DGCR2: variants seen among roughly 807,000 people sequenced by gnomAD.
DGCR2 encodes the protein DiGeorge syndrome critical region gene 2.
Under a neutral mutation model 51.6 loss-of-function variants are expected in DGCR2, and 24 were observed. The ratio of observed to expected loss-of-function variants is 0.47; its 90% CI spans 0.34 to 0.65. The LOEUF is 0.65. DGCR2 is among the 30% of genes least tolerant of loss of function. DGCR2 has a pLI of 0.01. For missense variants in DGCR2, 765 were observed against 772.1 expected, an observed-to-expected ratio of 0.99 and a Z score of 0.11; for synonymous variants, 340 against 315.4, an observed-to-expected ratio of 1.08 and a Z score of -0.82.
intron 5 of DGCR2, among the ~76,000 whole-genome samples, chr22:19,062,784 C>CTCTG (rs2082690598): frequency 1.4e-5 from 2 of 140,558 alleles, no homozygotes; most frequent in Admixed American, 7.6e-5. Context: ...TGCTCACTCT[C>CTCTG]TCTCTCTCTC....
chr22:19,071,004 G>A (rs2082808485), intron 2 of DGCR2, among the ~76,000 whole-genome samples: 1 of 152,260 alleles, frequency 6.6e-6, no homozygotes, highest in Non-Finnish European at 1.5e-5. Flanking sequence ...TCTCAGGCCT[G>A]CCTCTGACAG....
At chr22:19,048,401 TAGGGAGGCTG>T in intron 7 of DGCR2, 29 bp downstream of exon 7, 1 of 1,609,264 alleles carries the variant, frequency 6.2e-7, no homozygotes, top group Non-Finnish European at 8.5e-7. Flanking sequence ...CAGCCCCAAA[TAGGGAGGCTG>T]ACTTGGGACG....
At chr22:19,062,320 C>G (rs1247879882) in intron 5 of DGCR2, among the ~76,000 whole-genome samples, 1 of 152,146 alleles carries the variant, frequency 6.6e-6, no homozygotes, top group Non-Finnish European at 1.5e-5. Flanking sequence ...CACCTCTGCT[C>G]CTGCCCTGTC....
intron 2 of DGCR2, among the ~76,000 whole-genome samples, 161 bp from the exon 3 acceptor site, chr22:19,068,386 C>A (rs1288911088): frequency 2.3e-4 from 35 of 152,202 alleles, no homozygotes; most frequent in Admixed American, 2.3e-3. Context: ...GAAACACTGC[C>A]GCTCGCATCA....
At chr22:19,085,671 CA>C (rs2083006984) in intron 2 of DGCR2, among the ~76,000 whole-genome samples, 1 of 152,238 alleles carries the variant, frequency 6.6e-6, no homozygotes, top group Non-Finnish European at 1.5e-5. Context: ...TCCCTCTTTT[CA>C]AAAACATGCA....
rs1166457582 is a variant in DGCR2 at position 19,041,807 on chromosome 22, A to T, written c.1159T>A (p.Leu387Met). ...ERIESLIGANLHHFNLGRRIP... is the reference protein window; with the variant it reads ...ERIESLIGANMHHFNLGRRIP... ...GTTGTGGCCCTCAGAGGGCACTTAC[A>T]GTTTGCTCCAATCAGGGACTCGATG... Residue 387 changes from leucine to methionine, a missense_variant and splice_region_variant, in exon 8 of 10, where the codon TTG (leucine) becomes ATG (methionine). Physicochemically the swap from Leu to Met is conservative, Grantham distance 15. Around this residue, in one of 3 missense-constraint regions of DGCR2, gnomAD observed 190 missense variants for 265.2 expected, o/e 0.72. Transcript: ENST00000263196. The T allele has an allele frequency of 5.0e-6, 8 of 1,611,524 alleles. No individual in the cohort carries two copies. In the African/African-American group the frequency reaches 5.3e-5, roughly 11 times the overall value.
chr22:19,062,122 G>T (rs993282735), intron 5 of DGCR2, among the ~76,000 whole-genome samples: 2 of 152,198 alleles, frequency 1.3e-5, no homozygotes, highest in Admixed American at 6.5e-5. Context: ...TTTGACTCTG[G>T]GGCCTGGAAA....
At chr22:19,079,456 C>T (rs1029961929) in intron 2 of DGCR2, among the ~76,000 whole-genome samples, 13 of 152,270 alleles carry the variant, frequency 8.5e-5, no homozygotes, top group Admixed American at 4.6e-4. Context: ...AAAGTTATTC[C>T]ATCTAGTCCC....
At chr22:19,064,765 G>C in intron 4 of DGCR2, 83 bp downstream of exon 4, 8 of 1,351,462 alleles carry the variant, frequency 5.9e-6, no homozygotes, top group Non-Finnish European at 7.3e-6. Flanking sequence ...TGCTCCAGGA[G>C]TTTACTGAGT....
chr22:19,039,823 C>G (rs1033385391), intron 9 of DGCR2, among the ~76,000 whole-genome samples: 2 of 152,152 alleles, frequency 1.3e-5, no homozygotes, highest in African/African-American at 2.4e-5. Flanking sequence ...AGGTGATCCT[C>G]CATTCTCAGC....
At chr22:19,056,494 C>T (rs1024920419) in intron 6 of DGCR2, 6 of 525,908 alleles carry the variant, frequency 1.1e-5, no homozygotes, top group Non-Finnish European at 2.1e-5. Flanking sequence ...AGGGGACCTG[C>T]CCCACCAAGA....
chr22:19,111,234 A>G (rs558249589), intron 1 of DGCR2, among the ~76,000 whole-genome samples: 16 of 152,294 alleles, frequency 1.1e-4, no homozygotes, highest in Admixed American at 2.6e-4. Flanking sequence ...GCCTGAATTG[A>G]TCACCCAAGC....
chr22:19,097,991 T>C lies in DGCR2; in HGVS notation c.80-8501A>G, dbSNP rs1208611413. Reference sequence around the variant, plus strand: ...TTCCTCCCTGGGCTCAGGGAAAAGTTCCTCCTACAGCTACTCCTTACAACC... The same window carrying C: ...TTCCTCCCTGGGCTCAGGGAAAAGTCCCTCCTACAGCTACTCCTTACAACC... On this transcript the variant is annotated intron_variant, in intron 1 of 9. Transcript: ENST00000263196. 2.6e-5 allele frequency among the ~76,000 whole-genome samples: 4 copies of C among 152,052 alleles called. No homozygotes were observed. In the East Asian group the frequency reaches 7.7e-4, roughly 29 times the overall value.
At chr22:19,108,388 C>A (rs544834873) in intron 1 of DGCR2, among the ~76,000 whole-genome samples, 29 of 150,742 alleles carry the variant, frequency 1.9e-4, no homozygotes, top group African/African-American at 6.8e-4. Context: ...TTGGGCAACA[C>A]AGGGATCCAG....
At chr22:19,065,903 G>C (rs1488044941) in intron 3 of DGCR2, 1 of 152,204 alleles carries the variant, frequency 6.6e-6, no homozygotes, top group Non-Finnish European at 1.5e-5. Context: ...GCTATGTCTT[G>C]TGGCACTAGT....
chr22:19,110,038 C>A lies in DGCR2; in HGVS notation c.79+12090G>T, dbSNP rs543964643. Among the ~76,000 whole-genome samples, 5 of 152,352 alleles carry A rather than the reference C, an allele frequency of 3.3e-5. No individual in the cohort carries two copies. In the East Asian group the frequency reaches 7.7e-4, roughly 23 times the overall value. On this transcript the variant is annotated intron_variant, in intron 1 of 9. Coordinates refer to ENST00000263196, the MANE Select transcript of DGCR2 (RefSeq NM_005137.3). ...TTAGTGTGATCACCACAGGGAGTTA[C>A]ACTCACAAAAAGCACATGTCCTATC...
At chr22:19,080,398 T>C (rs2082922848) in intron 2 of DGCR2, among the ~76,000 whole-genome samples, 1 of 152,216 alleles carries the variant, frequency 6.6e-6, no homozygotes, top group Non-Finnish European at 1.5e-5. Context: ...ATGGAAACAA[T>C]ATAAAGAAGT....
chr22:19,089,373 C>G lies in DGCR2; in HGVS notation c.197G>C (p.Cys66Ser). ...CGCCTACTCAACACACTCACCTGGA[C>G]AGTTGGCTTCGTCGCTCTCATCCTC... ...TCEDESDEAN[C>S]PEVTGEVRPH... Residue 66 changes from cysteine to serine, a missense_variant, in exon 2 of 10, where the codon TGT (cysteine) becomes TCT (serine). This residue lies in a region of DGCR2 where 370 missense variants were observed against 325.5 expected (regional missense o/e 1.14). Transcript: ENST00000263196. The G allele has an allele frequency of 1.2e-6, 2 of 1,605,666 alleles. No homozygotes were observed. The highest frequency in any genetic ancestry group is 1.7e-6 in the Non-Finnish European group (2 of 1,175,510).
rs1271808863 is a variant in DGCR2 at position 19,041,826 on chromosome 22, C to T, written c.1140G>A (p.Glu380=). ...ACTTACAGTTTGCTCCAATCAGGGACTCGATGCGCTCCCGGCGCCGCTGGC... is the reference window on the plus strand; with the variant it reads ...ACTTACAGTTTGCTCCAATCAGGGATTCGATGCGCTCCCGGCGCCGCTGGC... ...RLRQRRRERI[E]SLIGANLHHF... Residue 380 remains glutamate (E), a synonymous_variant, in exon 8 of 10, where the codon GAG becomes GAA. Coordinates refer to ENST00000263196, the MANE Select transcript of DGCR2 (RefSeq NM_005137.3). The T allele has an allele frequency of 6.2e-7, 1 of 1,612,462 alleles. No homozygotes were observed. Among genetic ancestry groups the T allele is most frequent in the Non-Finnish European group, 8.5e-7 (1 of 1,179,806 alleles).
Sources: allele counts gnomAD v4.1 joint callset (sites outside exome capture counted in the v4.1 genomes callset), GRCh38; gene constraint gnomAD v4.1.1; regional missense constraint gnomAD v4.1.1; transcripts MANE v1.5; gene names NCBI Gene and HGNC (gene_info 2026-07-23, HGNC 2026-07-21).